Variants in SETD2 observed in about 807,000 individuals in gnomAD.
SETD2 encodes SET domain containing 2, histone lysine methyltransferase, also known as histone-lysine N-methyltransferase SETD2.
A neutral mutation model predicts 242.1 loss-of-function variants in SETD2; 31 were observed. The observed-to-expected ratio is 0.13, with a 90% CI of 0.10 to 0.17. SETD2 has a LOEUF of 0.17. Among genes scored for constraint, SETD2 ranks in the 10% least tolerant of loss-of-function variants. The probability of loss-of-function intolerance (pLI) is 1.00; values close to 1 mark genes in which losing one functional copy is unlikely to be tolerated. For synonymous variants in SETD2, 1,006 were observed against 1,066.5 expected (o/e 0.94, Z 1.11); for missense variants, 2,481 against 3,046.3 (o/e 0.81, Z 4.37).
intron 1 of SETD2, among the ~76,000 whole-genome samples, chr3:47,150,026 T>C (rs866918132): frequency 8.2e-6 from 1 of 122,478 alleles, no homozygotes; most frequent in Non-Finnish European, 1.7e-5. Context: ...TATCCAAAAA[T>C]ACTTTTTTTT....
rs147609782 is a variant in SETD2 at position 47,122,733 on chromosome 3, T to C, written c.1903A>G (p.Ile635Val). The C allele has an allele frequency of 5.2e-5, 84 of 1,611,208 alleles. No individual in the cohort carries two copies. In the Middle Eastern group the frequency reaches 6.6e-4, roughly 13 times the overall value. ...TGTGTTATAAATTCGGACTTAAAAA[T>C]AGGCAATTCATCTAGCTTTTTTAAA... ...PTLKKLDELPIFKSEFITHDS... is the reference protein window; with the variant it reads ...PTLKKLDELPVFKSEFITHDS... The change falls in exon 3 of 21, where the codon ATT becomes GTT. Residue 635 changes from isoleucine to valine, a missense_variant. Coordinates refer to ENST00000409792, the MANE Select transcript of SETD2 (RefSeq NM_014159.7).
intron 18 of SETD2, among the ~76,000 whole-genome samples, chr3:47,020,617 T>A (rs1475863642): frequency 6.6e-6 from 1 of 152,138 alleles, no homozygotes; most frequent in African/African-American, 2.4e-5. Context: ...CATCTCCCCA[T>A]ACCTTTGCCC....
At chr3:47,163,714 C>T (rs2106866945) in intron 1 of SETD2, 140 bp downstream of exon 1, 1 of 724,114 alleles carries the variant, frequency 1.4e-6, no homozygotes, top group Non-Finnish European at 1.8e-6. Flanking sequence ...CGCGGGCCTG[C>T]TCCCGACACC....
chr3:47,024,955 G>C (rs2038405760), intron 18 of SETD2, among the ~76,000 whole-genome samples: 1 of 152,124 alleles, frequency 6.6e-6, no homozygotes, highest in South Asian at 2.1e-4. Context: ...AAGAGAAAAG[G>C]AACAGTCTCA....
At chr3:47,154,137 G>A (rs574973302) in intron 1 of SETD2, among the ~76,000 whole-genome samples, 224 of 152,250 alleles carry the variant, frequency 1.5e-3, no homozygotes, top group Non-Finnish European at 2.4e-3. Flanking sequence ...TTGGCCAGGC[G>A]CGATGGCTCA....
rs76496241 is a variant in SETD2 at position 47,164,012 on chromosome 3, CGCGGCGGCGGCGGCGGCG to C, written c.-106_-89del. The C allele has an allele frequency of 1.2e-4, 141 of 1,192,346 alleles. No homozygotes were observed. Among genetic ancestry groups the C allele is most frequent in the African/African-American group, 9.7e-5 (6 of 62,104 alleles). 73.9% of individuals were successfully genotyped at this position (1,192,346 alleles called of 1,614,324 possible). ...GAGGGGAGGAGGCCGCAGGTCCGAC[CGCGGCGGCGGCGGCGGCG>C]GCGGCGGCGGCGGCAGGGGCGGCCC... On this transcript the variant is annotated 5_prime_UTR_variant, in exon 1 of 21. Coordinates refer to ENST00000409792, the MANE Select transcript of SETD2 (RefSeq NM_014159.7). This position sits in a 1 kb window ranked among gnomAD's most constrained non-coding sequence, Gnocchi z 5.4.
rs10510752 is a variant in SETD2, at chr3:47,019,963, C to T, written c.7351-123G>A. 31,750 of 777,240 alleles carry T rather than the reference C, an allele frequency of 0.041. 871 individuals are homozygous for T. Among genetic ancestry groups the T allele is most frequent in the Non-Finnish European group, 0.054 (24,458 of 455,436 alleles). 48.1% of individuals were successfully genotyped at this position (777,240 alleles called of 1,614,324 possible). On this transcript the variant is annotated intron_variant, in intron 18 of 20. Coordinates refer to ENST00000409792, the MANE Select transcript of SETD2 (RefSeq NM_014159.7). ...ATACCTGATTCTTGGTATTAGAATC[C>T]GTTTAGAGGCCCTGACTCAGGTACA...
chr3:47,017,346 T>G lies in SETD2; in HGVS notation c.7534-92A>C. 1 of 1,355,598 alleles carries G rather than the reference T, an allele frequency of 7.4e-7. No homozygotes were observed. The highest frequency in any genetic ancestry group is 1.0e-6 in the Non-Finnish European group (1 of 978,210). 84.0% of individuals were successfully genotyped at this position (1,355,598 alleles called of 1,614,324 possible). ...CAGGGGTGGTAATCCAGCCTGCTGCTTCAGGGCCCTTCTCACCAAGACAGG... is the reference window on the plus strand; with the variant it reads ...CAGGGGTGGTAATCCAGCCTGCTGCGTCAGGGCCCTTCTCACCAAGACAGG... On this transcript the variant is annotated intron_variant, in intron 20 of 20. Transcript: ENST00000409792. This position sits in a 1 kb window ranked among gnomAD's most constrained non-coding sequence, Gnocchi z 4.8.
At position 47,121,457 on chromosome 3, in the gene SETD2, C is replaced by T. The variant is rs953217480; in HGVS notation, c.3179G>A (p.Ser1060Asn). The change falls in exon 3 of 21, where the codon AGT (serine) becomes AAT (asparagine). Residue 1060 changes from serine (S) to asparagine (N), a missense_variant. Ser to Asn is a conservative substitution (Grantham distance 46). Coordinates refer to ENST00000409792, the MANE Select transcript of SETD2 (RefSeq NM_014159.7). The part of the protein sequence containing the change: ...DSEDTDSDDS[S>N]IPRNRLQSVV... ...AGACTGGAGACGGTTTCTTGGAATACTGCTATCATCCGAATCTGTATCTTC... is the reference window on the plus strand; with the variant it reads ...AGACTGGAGACGGTTTCTTGGAATATTGCTATCATCCGAATCTGTATCTTC... The T allele has an allele frequency of 8.1e-6, 13 of 1,613,062 alleles. No individual in the cohort carries two copies. Among genetic ancestry groups the T allele is most frequent in the Non-Finnish European group, 1.1e-5 (13 of 1,179,990 alleles).
chr3:47,058,455 AAAAAAAAAAC>A (rs1320292342), intron 14 of SETD2, among the ~76,000 whole-genome samples: 42 of 149,214 alleles, frequency 2.8e-4, no homozygotes, highest in African/African-American at 9.7e-4. Flanking sequence ...AAAAAAAAAA[AAAAAAAAAAC>A]ACAAAGAGGG....
intron 1 of SETD2, among the ~76,000 whole-genome samples, chr3:47,161,209 C>A (rs1020636727): frequency 6.6e-6 from 1 of 152,164 alleles, no homozygotes; most frequent in Non-Finnish European, 1.5e-5. Context: ...AGCACTTACA[C>A]GTGCCACATT....
At position 47,046,523 on chromosome 3, in the gene SETD2, T is replaced by C. The variant is rs903734088; in HGVS notation, c.7062A>G (p.Thr2354=). ...GCTGAGGCTGCCCTGGTGCAACTAT[T>C]GTAGTCACTGCTGCGGCTGGCTGTA... ...VVVQPAAAVT[T]IVAPGQPQPL... Residue 2354 remains threonine, a synonymous_variant, in exon 16 of 21, where the codon ACA becomes ACG. Transcript: ENST00000409792. 6.2e-7 allele frequency: 1 copy of C among 1,612,188 alleles called. No homozygotes were observed. Among genetic ancestry groups the C allele is most frequent in the Non-Finnish European group, 8.5e-7 (1 of 1,178,834 alleles).
intron 12 of SETD2, among the ~76,000 whole-genome samples, chr3:47,067,406 CTTTTTTTTTTTTT>C (rs548953692): frequency 1.1e-4 from 9 of 83,900 alleles, no homozygotes; most frequent in South Asian, 8.3e-4. Flanking sequence ...TCCTGAGCAT[CTTTTTTTTTTTTT>C]TTTTTTTTTT....
intron 17 of SETD2, 144 bp downstream of exon 17, chr3:47,042,417 G>C: frequency 2.8e-6 from 2 of 717,606 alleles, no homozygotes; most frequent in South Asian, 3.5e-5. Context: ...ATACACTTAA[G>C]ATGTGATTCT....
chr3:47,122,413 C>T lies in SETD2; in HGVS notation c.2223G>A (p.Lys741=), dbSNP rs2106677805. The change falls in exon 3 of 21, where the codon AAG becomes AAA. Residue 741 remains lysine, a synonymous_variant. Coordinates refer to ENST00000409792, the MANE Select transcript of SETD2 (RefSeq NM_014159.7). ...CTGTTTCTCTAAATGGGCTTTCTGA[C>T]TTCTTATGCAGCATGCAGGTATCAT... ...DLDDTCMLHK[K]SESPFRETEP... is the part of the protein sequence containing the mutation. 1.2e-6 allele frequency: 2 copies of T among 1,614,100 alleles called. No individual in the cohort carries two copies. The highest frequency in any genetic ancestry group is 1.7e-6 in the Non-Finnish European group (2 of 1,179,992).
intron 1 of SETD2, among the ~76,000 whole-genome samples, chr3:47,156,563 C>A (rs1369982822): frequency 6.6e-6 from 1 of 152,106 alleles, no homozygotes; most frequent in Non-Finnish European, 1.5e-5. Context: ...AAGAGGTATA[C>A]CCTAGCCTAA....
At chr3:47,137,892 T>C (rs2043626823) in intron 1 of SETD2, among the ~76,000 whole-genome samples, 1 of 152,160 alleles carries the variant, frequency 6.6e-6, no homozygotes, top group African/African-American at 2.4e-5. Flanking sequence ...TTTTGCCAAG[T>C]TGACCAGGCT....
chr3:47,096,593 AAAAG>A lies in SETD2; in HGVS notation c.5142+1358_5142+1361del, dbSNP rs1198060706. On this transcript the variant is annotated intron_variant, in intron 9 of 20. Transcript: ENST00000409792. ...CCTCAAAAAAAAAAAAAAAAAAAAA[AAAAG>A]GGGGGCTGGGCACTGTGGCTCATGC... is the stretch of plus-strand genomic sequence containing the variant. 5.2e-4 allele frequency among the ~76,000 whole-genome samples: 21 copies of A among 40,012 alleles called. 2 individuals are homozygous for A. Among genetic ancestry groups the A allele is most frequent in the Admixed American group, 1.3e-3 (5 of 3,736 alleles). The allele number at this position is 40,012 out of a possible 152,430, so 26.2% of individuals were successfully genotyped here.
chr3:47,071,746 T>C (rs1354465528), intron 12 of SETD2, among the ~76,000 whole-genome samples: 1 of 151,980 alleles, frequency 6.6e-6, no homozygotes, highest in Non-Finnish European at 1.5e-5. Context: ...TTCCATATAG[T>C]ATGTTTTCTA....
Sources: gnomAD v4.1 joint callset for allele counts (sites outside exome capture counted in the v4.1 genomes callset) on GRCh38, gnomAD v4.1.1 for gene constraint, Gnocchi (gnomAD v3.1) non-coding constraint, MANE v1.5 for transcripts, NCBI Gene and HGNC (gene_info 2026-07-23, HGNC 2026-07-21) for gene names.